Variants in IFIH1 observed in about 807,000 individuals in gnomAD.
The protein encoded by IFIH1 is interferon induced with helicase C domain 1.
In IFIH1, 125 loss-of-function variants were observed where a neutral mutation model predicts 107.4. The ratio of observed to expected loss-of-function variants is 1.16; its 90% CI spans 1.01 to 1.35. The LOEUF is 1.35. Ranked by LOEUF, IFIH1 falls within the 40% of genes most tolerant of loss-of-function variation. The probability of loss-of-function intolerance (pLI) is 0.00; values close to 1 mark genes in which losing one functional copy is unlikely to be tolerated. For synonymous variants in IFIH1, 458 were observed against 413.2 expected, an observed-to-expected ratio of 1.11 and a Z score of -1.31; for missense variants, 1,333 against 1,213.7, an observed-to-expected ratio of 1.10 and a Z score of -1.46.
Position 162,281,181 on chromosome 2 carries a change from C to T in IFIH1, c.1524+147G>A, listed in dbSNP as rs548668580. 3 of 605,802 alleles carry T rather than the reference C, an allele frequency of 5.0e-6. No homozygotes were observed. The South Asian group carries it at 6.3e-5, about 13-fold the overall frequency. The allele number at this position is 605,802 out of a possible 1,614,324, so 37.5% of individuals were successfully genotyped here. ...AGGCATATTAGTATTCTGTAGAAGA[C>T]TGAGTATATTTATTGTACTAAAGCA... is the stretch of plus-strand genomic sequence containing the variant. On this transcript the variant is annotated intron_variant, in intron 7 of 15. Transcript: ENST00000649979.
At chr2:162,279,287 A>G (rs781053906) in intron 8 of IFIH1, among the ~76,000 whole-genome samples, 2 of 152,108 alleles carry the variant, frequency 1.3e-5, no homozygotes, top group African/African-American at 2.4e-5. Context: ...AGTGCCTACT[A>G]TATTTCAAGC....
Position 162,318,612 on chromosome 2 carries a change from G to C in IFIH1, c.-305C>G, listed in dbSNP as rs983814092. 1 of 194,652 alleles carries C rather than the reference G, an allele frequency of 5.1e-6. No individual in the cohort carries two copies. Among genetic ancestry groups the C allele is most frequent in the Non-Finnish European group, 1.0e-5 (1 of 96,720 alleles). The allele number at this position is 194,652 out of a possible 1,614,324, so 12.1% of individuals were successfully genotyped here. ...CGGTGTGCGCCTGGGGTCCCGGACCGGGGCGATCCTGCTGCACACTCGGGT... is the reference window on the plus strand; with the variant it reads ...CGGTGTGCGCCTGGGGTCCCGGACCCGGGCGATCCTGCTGCACACTCGGGT... On this transcript the variant is annotated 5_prime_UTR_variant, in exon 1 of 16. Coordinates refer to ENST00000649979, the MANE Select transcript of IFIH1 (RefSeq NM_022168.4).
chr2:162,304,842 C>G lies in IFIH1; in HGVS notation c.769+1867G>C, dbSNP rs184967765. 4.4e-3 allele frequency among the ~76,000 whole-genome samples: 664 copies of G among 152,288 alleles called. 7 individuals carry two copies. The highest frequency in any genetic ancestry group is 0.015 in the African/African-American group (630 of 41,548). On this transcript the variant is annotated intron_variant, in intron 3 of 15. Transcript: ENST00000649979. ...GAAATAAGCACTCATATCCCATACT[C>G]TTGGAGAACATGTAAATTGGTACAA...
intron 13 of IFIH1, among the ~76,000 whole-genome samples, chr2:162,270,154 A>C (rs1360341373): frequency 1.3e-5 from 2 of 152,188 alleles, no homozygotes; most frequent in Non-Finnish European, 2.9e-5. Flanking sequence ...AACAAACAAA[A>C]AAAAGAACTC....
chr2:162,272,176 C>T (rs778093176), intron 13 of IFIH1, 50 bp downstream of exon 13: 4 of 1,465,346 alleles, frequency 2.7e-6, no homozygotes, highest in Non-Finnish European at 3.8e-6. Flanking sequence ...ATGGCAACCA[C>T]ATGCCGCCAT....
chr2:162,273,996 T>A (rs757522292), intron 11 of IFIH1, 52 bp from the exon 12 acceptor site: 2 of 1,229,150 alleles, frequency 1.6e-6, no homozygotes, highest in Admixed American at 4.4e-5. Context: ...CACATTAAAA[T>A]CTTCTAATTA....
At chr2:162,274,497 G>C (rs759502107) in intron 11 of IFIH1, among the ~76,000 whole-genome samples, 35 of 152,164 alleles carry the variant, frequency 2.3e-4, no homozygotes, top group Non-Finnish European at 3.5e-4. Context: ...CATCTAGGGA[G>C]GGGAGCTGGA....
At chr2:162,303,969 C>G (rs763877582) in intron 3 of IFIH1, among the ~76,000 whole-genome samples, 2 of 152,054 alleles carry the variant, frequency 1.3e-5, no homozygotes, top group Non-Finnish European at 2.9e-5. Flanking sequence ...TGTCGAGTAG[C>G]TTGTAAAGGA....
At chr2:162,299,493 A>G (rs1309479762) in intron 3 of IFIH1, among the ~76,000 whole-genome samples, 2 of 152,030 alleles carry the variant, frequency 1.3e-5, no homozygotes, top group African/African-American at 4.8e-5. Flanking sequence ...AGGTTTGTCA[A>G]TTTCCATGGT....
At chr2:162,307,996 G>A (rs771575880) in intron 2 of IFIH1, among the ~76,000 whole-genome samples, 19 of 152,178 alleles carry the variant, frequency 1.2e-4, no homozygotes, top group Middle Eastern at 3.4e-3. Context: ...TAGAGAAGTC[G>A]AGAACCTGGC....
chr2:162,271,153 T>C (rs1277026065), intron 13 of IFIH1, among the ~76,000 whole-genome samples: 1 of 152,140 alleles, frequency 6.6e-6, no homozygotes, highest in Non-Finnish European at 1.5e-5. Flanking sequence ...TGTTAGTAAA[T>C]TGAGATGTAG....
intron 3 of IFIH1, among the ~76,000 whole-genome samples, chr2:162,296,627 T>C (rs1683088364): frequency 6.6e-6 from 1 of 152,150 alleles, no homozygotes; most frequent in Non-Finnish European, 1.5e-5. Flanking sequence ...TTAAGAGCTG[T>C]GGTGGTGGTG....
intron 11 of IFIH1, among the ~76,000 whole-genome samples, chr2:162,276,154 A>G (rs1401647777): frequency 6.6e-6 from 1 of 152,224 alleles, no homozygotes; most frequent in African/African-American, 2.4e-5. Context: ...TCCTAAAACA[A>G]CACTTAACCT....
At chr2:162,286,213 A>C (rs1682891304) in intron 5 of IFIH1, among the ~76,000 whole-genome samples, 1 of 152,022 alleles carries the variant, frequency 6.6e-6, no homozygotes, top group South Asian at 2.1e-4. Context: ...AACAAAAAAA[A>C]GTAACTTAGG....
At chr2:162,317,383 T>C (rs1683516375) in intron 1 of IFIH1, among the ~76,000 whole-genome samples, 1 of 152,196 alleles carries the variant, frequency 6.6e-6, no homozygotes, top group Non-Finnish European at 1.5e-5. Context: ...TCCATGGAAC[T>C]ACATTAAATA....
At chr2:162,306,128 A>G (rs1262984560) in intron 3 of IFIH1, among the ~76,000 whole-genome samples, 1 of 152,202 alleles carries the variant, frequency 6.6e-6, no homozygotes, top group Non-Finnish European at 1.5e-5. Flanking sequence ...AGCAGATTAG[A>G]AAGGGAAAAA....
chr2:162,317,259 T>C (rs1446402005), intron 1 of IFIH1, among the ~76,000 whole-genome samples: 7 of 152,074 alleles, frequency 4.6e-5, no homozygotes, highest in African/African-American at 1.4e-4. Flanking sequence ...TAAAACTTTA[T>C]GAACACTGAA....
chr2:162,316,516 A>G (rs918746955), intron 1 of IFIH1, among the ~76,000 whole-genome samples: 8 of 152,350 alleles, frequency 5.3e-5, no homozygotes, highest in Admixed American at 5.2e-4. Flanking sequence ...GTCTTTGGAC[A>G]GGCCCTGTGT....
intron 2 of IFIH1, among the ~76,000 whole-genome samples, chr2:162,308,810 T>G (rs1338017487): frequency 6.6e-6 from 1 of 152,232 alleles, no homozygotes; most frequent in Non-Finnish European, 1.5e-5. Context: ...AAAATTCATA[T>G]CTTTACTACA....
Sources: allele counts gnomAD v4.1 joint callset (sites outside exome capture counted in the v4.1 genomes callset), GRCh38; gene constraint gnomAD v4.1.1; transcripts MANE v1.5; gene names NCBI Gene and HGNC (gene_info 2026-07-23, HGNC 2026-07-21).